CCSER1: variants seen among roughly 807,000 people sequenced by gnomAD.
CCSER1 encodes the protein coiled-coil serine rich protein 1.
A neutral mutation model predicts 82.0 loss-of-function variants in CCSER1; 41 were observed. That is an observed-to-expected ratio of 0.50 (90% CI 0.39 to 0.65). CCSER1 has a LOEUF of 0.65. CCSER1 is among the 30% of genes least tolerant of loss of function. The pLI, the probability that CCSER1 is intolerant of heterozygous loss-of-function variation, is 0.00. For synonymous variants in CCSER1, 414 were observed against 383.9 expected (o/e 1.08, Z -0.92); for missense variants, 1,119 against 1,064.2 (o/e 1.05, Z -0.72).
chr4:90,692,377 G>A (rs1037097113), intron 6 of CCSER1, among the ~76,000 whole-genome samples: 2 of 151,812 alleles, frequency 1.3e-5, no homozygotes, highest in African/African-American at 4.8e-5. Context: ...TAATCCAAGA[G>A]CCCGTTTCAC....
Position 90,609,039 on chromosome 4 carries a change from C to T in CCSER1, c.1725-18986C>T, listed in dbSNP as rs141648548. ...ATGCAGTTCTTGCATCAAATAGTAC[C>T]GCCTCCAAGATAGAATCCTGGATTC... On this transcript the variant is annotated intron_variant, in intron 5 of 10. Coordinates refer to ENST00000509176, the MANE Select transcript of CCSER1 (RefSeq NM_001145065.2). Among the ~76,000 whole-genome samples the T allele has an allele frequency of 1.4e-3, 207 of 151,780 alleles. 1 individual carries two copies. Among genetic ancestry groups the T allele is most frequent in the African/African-American group, 4.5e-3 (185 of 41,384 alleles).
At chr4:90,742,853 A>G (rs952853585) in intron 7 of CCSER1, among the ~76,000 whole-genome samples, 5 of 152,180 alleles carry the variant, frequency 3.3e-5, no homozygotes, top group South Asian at 2.1e-4. Context: ...GTGTAATTCA[A>G]CTACTGTTTT....
At chr4:91,552,548 A>G (rs190863832) in intron 10 of CCSER1, among the ~76,000 whole-genome samples, 1 of 151,754 alleles carries the variant, frequency 6.6e-6, no homozygotes, top group East Asian at 1.9e-4. Flanking sequence ...GGTCCCTCTA[A>G]GACAGTGTAT....
intron 4 of CCSER1, among the ~76,000 whole-genome samples, chr4:90,417,628 A>G (rs1756020991): frequency 6.6e-6 from 1 of 152,164 alleles, no homozygotes; most frequent in African/African-American, 2.4e-5. Context: ...GTATATATCC[A>G]AAGGAAAATG....
At position 90,365,654 on chromosome 4, in the gene CCSER1, T is replaced by C. The variant is rs560564775; in HGVS notation, c.1510-34382T>C. Among the ~76,000 whole-genome samples the C allele has an allele frequency of 7.2e-4, 110 of 152,024 alleles. 3 individuals carry two copies. In the South Asian group the frequency reaches 0.023, roughly 31 times the overall value. ...ACAAGACAATCCTTTGAATACTTAC[T>C]ATTTTGAAATACTTGAAGAATCAGA... On this transcript the variant is annotated intron_variant, in intron 3 of 10. Transcript: ENST00000509176.
chr4:91,195,884 T>G (rs1581750715), intron 10 of CCSER1, among the ~76,000 whole-genome samples: 1 of 151,926 alleles, frequency 6.6e-6, no homozygotes, highest in East Asian at 1.9e-4. Flanking sequence ...CTTACAACTC[T>G]TCATGACTCC....
At chr4:90,608,041 CTG>C (rs980218130) in intron 5 of CCSER1, among the ~76,000 whole-genome samples, 4 of 152,116 alleles carry the variant, frequency 2.6e-5, no homozygotes, top group Non-Finnish European at 4.4e-5. Context: ...TCTTTTAAAA[CTG>C]TACAAAATAT....
At chr4:91,066,535 C>G (rs1436677721) in intron 9 of CCSER1, among the ~76,000 whole-genome samples, 2 of 152,044 alleles carry the variant, frequency 1.3e-5, no homozygotes, top group East Asian at 3.9e-4. Flanking sequence ...AAAAGAATAA[C>G]CAGAGAATAG....
intron 8 of CCSER1, among the ~76,000 whole-genome samples, chr4:90,825,941 C>T (rs200350017): frequency 3.3e-5 from 5 of 151,986 alleles, no homozygotes; most frequent in African/African-American, 7.2e-5. Flanking sequence ...CCACCTGCCT[C>T]GTCCTCCCAA....
intron 9 of CCSER1, among the ~76,000 whole-genome samples, chr4:90,952,871 C>A (rs1733059150): frequency 6.6e-6 from 1 of 152,018 alleles, no homozygotes; most frequent in Admixed American, 6.6e-5. Context: ...TTCCTGTATT[C>A]TAGAAACACC....
intron 9 of CCSER1, among the ~76,000 whole-genome samples, chr4:91,024,389 G>C (rs1355541209): frequency 6.6e-6 from 1 of 151,952 alleles, no homozygotes; most frequent in Admixed American, 6.6e-5. Context: ...GAATTTGTTT[G>C]TATTGTGTTT....
intron 1 of CCSER1, among the ~76,000 whole-genome samples, chr4:90,263,545 A>C (rs961555801): frequency 2.6e-5 from 4 of 152,202 alleles, no homozygotes; most frequent in Admixed American, 2.6e-4. Flanking sequence ...AGAGTACTGC[A>C]GGCAAAGTTG....
intron 9 of CCSER1, among the ~76,000 whole-genome samples, chr4:91,026,980 A>C (rs1193373710): frequency 6.6e-6 from 1 of 152,046 alleles, no homozygotes; most frequent in Non-Finnish European, 1.5e-5. Context: ...TTTTAAAAAT[A>C]ATTTTTAAAA....
At chr4:90,862,109 A>G (rs1765184290) in intron 8 of CCSER1, among the ~76,000 whole-genome samples, 1 of 151,720 alleles carries the variant, frequency 6.6e-6, no homozygotes, top group Non-Finnish European at 1.5e-5. Context: ...TTAAAAACAT[A>G]AAAACTTTGT....
intron 10 of CCSER1, among the ~76,000 whole-genome samples, chr4:91,593,812 T>A (rs971505992): frequency 2.0e-5 from 3 of 152,122 alleles, no homozygotes; most frequent in African/African-American, 7.2e-5. Flanking sequence ...CTGAAATAAG[T>A]GAATGTGGTT....
At chr4:90,279,876 A>G (rs911613063) in intron 1 of CCSER1, among the ~76,000 whole-genome samples, 1 of 152,012 alleles carries the variant, frequency 6.6e-6, no homozygotes, top group African/African-American at 2.4e-5. Flanking sequence ...ACACAAGTAG[A>G]TGGCTTGTGA....
chr4:91,155,229 T>TTGAA, intron 10 of CCSER1, among the ~76,000 whole-genome samples: 1 of 151,936 alleles, frequency 6.6e-6, no homozygotes, highest in East Asian at 1.9e-4. Flanking sequence ...TAGGAGGTAA[T>TTGAA]TGAATTATAG....
intron 9 of CCSER1, among the ~76,000 whole-genome samples, chr4:90,983,052 T>TAGG (rs913511116): frequency 4.0e-5 from 6 of 151,756 alleles, no homozygotes; most frequent in African/African-American, 1.2e-4. Context: ...CAGCATGACT[T>TAGG]ACGCTATGCA....
At chr4:91,364,233 G>T (rs1380037306) in intron 10 of CCSER1, among the ~76,000 whole-genome samples, 2 of 151,916 alleles carry the variant, frequency 1.3e-5, no homozygotes, top group African/African-American at 4.8e-5. Context: ...CTTGTCTTCA[G>T]TTCAAAATGC....
Sources: allele counts gnomAD v4.1 joint callset (sites outside exome capture counted in the v4.1 genomes callset), GRCh38; gene constraint gnomAD v4.1.1; transcripts MANE v1.5; gene names NCBI Gene and HGNC (gene_info 2026-07-23, HGNC 2026-07-21).